The following PAPLN variants were observed in gnomAD, a reference collection of about 807,000 sequenced individuals.
The protein encoded by PAPLN is papilin, proteoglycan like sulfated glycoprotein.
PAPLN carries 146 observed loss-of-function variants against 159.0 expected under a neutral mutation model. That is an observed-to-expected ratio of 0.92 (90% CI 0.80 to 1.05). PAPLN has a LOEUF of 1.05. PAPLN is among the 50% of genes least tolerant of loss of function. The pLI, the probability that PAPLN is intolerant of heterozygous loss-of-function variation, is 0.00. For synonymous variants in PAPLN, 734 were observed against 702.9 expected, an observed-to-expected ratio of 1.04 and a Z score of -0.70; for missense variants, 1,720 against 1,743.9, an observed-to-expected ratio of 0.99 and a Z score of 0.24.
Position 73,254,581 on chromosome 14 carries a change from G to A in PAPLN, c.1371G>A (p.Leu457=), listed in dbSNP as rs1885672604. 1 of 1,613,948 alleles carries A rather than the reference G, an allele frequency of 6.2e-7. No homozygotes were observed. The highest frequency in any genetic ancestry group is 1.3e-5 in the African/African-American group (1 of 74,916). Reference sequence around the variant, plus strand: ...CTTGCCGGGGTGAAAGGGGTTCTTTGCTCCATACCGCAGCGTGCTCCTTGG... The same window carrying A: ...CTTGCCGGGGTGAAAGGGGTTCTTTACTCCATACCGCAGCGTGCTCCTTGG... ...SVTCRGERGS[L]LHTAACSLED... Residue 457 remains leucine (L), a synonymous_variant, in exon 13 of 27, where the codon TTG becomes TTA. Coordinates refer to ENST00000644200, the MANE Select transcript of PAPLN (RefSeq NM_001365906.3).
chr14:73,264,563 C>T, intron 21 of PAPLN, 25 bp from the exon 22 acceptor site: 2 of 1,586,778 alleles, frequency 1.3e-6, no homozygotes, highest in Non-Finnish European at 8.5e-7. Flanking sequence ...CAGCTCACAC[C>T]TTGTTTCTCC....
In PAPLN at chr14:73,266,734, A is replaced by G. The variant is rs779408143; in HGVS notation, c.3403A>G (p.Ile1135Val). 1.2e-6 allele frequency: 2 copies of G among 1,613,922 alleles called. No individual in the cohort carries two copies. The highest frequency in any genetic ancestry group is 8.5e-7 in the Non-Finnish European group (1 of 1,179,980). Residue 1135 changes from isoleucine (I) to valine (V), a missense_variant, in exon 25 of 27, where the codon ATC becomes GTC. Coordinates refer to ENST00000644200, the MANE Select transcript of PAPLN (RefSeq NM_001365906.3). ...VQLRVLGELT[I>V]SGLPPTVTVP... ...GTCCTTGTGCCCAGGGGAGCTGACA[A>G]TCTCAGGACTGCCCCCTACTGTGAC... is the stretch of plus-strand genomic sequence containing the variant.
At position 73,265,256 on chromosome 14, in the gene PAPLN, G is replaced by A; in HGVS notation, c.3126-114G>A. On this transcript the variant is annotated intron_variant, in intron 22 of 26. Coordinates refer to ENST00000644200, the MANE Select transcript of PAPLN (RefSeq NM_001365906.3). The surrounding 1 kb of genome is among the most constrained non-coding windows in gnomAD (Gnocchi z 4.1). ...AGAACAAGGCAGGGGATTTTAGGAA[G>A]CTGAATCTGGCTGGAGAGGGAGAAG... 1 of 1,479,596 alleles carries A rather than the reference G, an allele frequency of 6.8e-7. No individual in the cohort carries two copies. The highest frequency in any genetic ancestry group is 9.0e-7 in the Non-Finnish European group (1 of 1,111,716). The allele number at this position is 1,479,596 out of a possible 1,614,324, so 91.7% of individuals were successfully genotyped here.
intron 5 of PAPLN, among the ~76,000 whole-genome samples, chr14:73,247,922 GTGTGTGTGTGT>G: frequency 7.5e-6 from 1 of 133,628 alleles, no homozygotes; most frequent in Admixed American, 7.4e-5. Context: ...GTGTGTGTGT[GTGTGTGTGTGT>G]GTTGTGGGGA....
Position 73,252,121 on chromosome 14 carries a change from G to T in PAPLN, c.947G>T (p.Cys316Phe), listed in dbSNP as rs1329316144. 1 of 1,607,756 alleles carries T rather than the reference G, an allele frequency of 6.2e-7. No individual in the cohort carries two copies. Among genetic ancestry groups the T allele is most frequent in the Non-Finnish European group, 8.5e-7 (1 of 1,177,300 alleles). Residue 316 changes from cysteine (C) to phenylalanine (F), a missense_variant, in exon 10 of 27, where the codon TGC becomes TTC. Cys to Phe is a radical substitution (Grantham distance 205). Coordinates refer to ENST00000644200, the MANE Select transcript of PAPLN (RefSeq NM_001365906.3). ...FSWSHGSWSDCSAECGGGHQS... is the reference protein window; with the variant it reads ...FSWSHGSWSDFSAECGGGHQS... ...TGGAGCCACGGCTCATGGAGTGACTGCAGCGCGGAGTGTGGCGGAGGTGCG... is the reference window on the plus strand; with the variant it reads ...TGGAGCCACGGCTCATGGAGTGACTTCAGCGCGGAGTGTGGCGGAGGTGCG...
At position 73,245,647 on chromosome 14, in the gene PAPLN, G is replaced by C; in HGVS notation, c.182G>C (p.Gly61Ala). ...RPCYSQRRDG[G>A]SSCVGPARSH... ...CTCTGGTCCCGCAGGAGAGATGGAG[G>C]CTCCAGCTGCGTGGGCCCCGCCCGG... is the stretch of plus-strand genomic sequence containing the variant. The change falls in exon 4 of 27, where the codon GGC becomes GCC. Residue 61 changes from glycine to alanine, a missense_variant. By Grantham distance (60) the Gly-to-Ala change is moderately conservative (BLOSUM62 0). Transcript: ENST00000644200. The surrounding 1 kb of genome is among the most constrained non-coding windows in gnomAD (Gnocchi z 4.2). The C allele has an allele frequency of 6.4e-7, 1 of 1,559,874 alleles. No homozygotes were observed. Among genetic ancestry groups the C allele is most frequent in the East Asian group, 2.4e-5 (1 of 42,070 alleles).
At chr14:73,242,129 A>G (rs1382057595) in intron 2 of PAPLN, among the ~76,000 whole-genome samples, 1 of 152,190 alleles carries the variant, frequency 6.6e-6, no homozygotes, top group Non-Finnish European at 1.5e-5. Flanking sequence ...CCTTCCTTGG[A>G]GAGACAGTGT....
intron 11 of PAPLN, chr14:73,253,245 G>C: frequency 2.2e-6 from 3 of 1,357,712 alleles, no homozygotes; most frequent in South Asian, 2.3e-5. Flanking sequence ...CAGGTCACAG[G>C]CTCCCCGCAG....
Position 73,251,998 on chromosome 14 carries a change from C to A in PAPLN, c.844-20C>A. ...AGTGCTCCCCAGCAGCAGACCCCAACAAGGACTCTCCCGTGACAGCTCATC... is the reference window on the plus strand; with the variant it reads ...AGTGCTCCCCAGCAGCAGACCCCAAAAAGGACTCTCCCGTGACAGCTCATC... On this transcript the variant is annotated intron_variant, in intron 9 of 26. Transcript: ENST00000644200. The A allele has an allele frequency of 6.3e-7, 1 of 1,595,066 alleles. No individual in the cohort carries two copies.
rs1566673792 is a variant in PAPLN at position 73,246,088 on chromosome 14, G to T, written c.247G>T (p.Ala83Ser). The change falls in exon 5 of 27, where the codon GCC becomes TCC. Residue 83 changes from alanine to serine, a missense_variant. By Grantham distance (99) the Ala-to-Ser change is moderately conservative. Transcript: ENST00000644200. ...SCRTESCPDG[A>S]RDFRAEQCAE... ...CGCCCCGCAGAGCTGCCCCGACGGC[G>T]CCCGGGACTTCCGGGCCGAGCAGTG... 6.4e-7 allele frequency: 1 copy of T among 1,567,646 alleles called. No homozygotes were observed.
chr14:73,254,838 G>A (rs750494881), intron 13 of PAPLN, 39 bp from the exon 14 acceptor site: 45 of 1,605,408 alleles, frequency 2.8e-5, no homozygotes, highest in Admixed American at 1.3e-4. Context: ...CCCCAGCCTC[G>A]CCCTCAGCAT....
At position 73,262,335 on chromosome 14, in the gene PAPLN, A is replaced by ACC. The variant is rs747112939; in HGVS notation, c.2246-13_2246-12dup. ...TGGGCACCTCAGTGACTTATATCAC[A>ACC]CCCATGCCCTGCAGCCTACCCCGTG... On this transcript the variant is annotated splice_polypyrimidine_tract_variant and intron_variant, in intron 18 of 26. Coordinates refer to ENST00000644200, the MANE Select transcript of PAPLN (RefSeq NM_001365906.3). 15 of 1,596,006 alleles carry ACC rather than the reference A, an allele frequency of 9.4e-6. No homozygotes were observed. Among genetic ancestry groups the ACC allele is most frequent in the Non-Finnish European group, 1.3e-5 (15 of 1,168,850 alleles).
At chr14:73,256,039 T>C (rs1488617035) in intron 14 of PAPLN, among the ~76,000 whole-genome samples, 3 of 152,110 alleles carry the variant, frequency 2.0e-5, no homozygotes, top group African/African-American at 7.2e-5. Flanking sequence ...TGGTGAGGCC[T>C]TGTGGGGGAG....
At position 73,262,365 on chromosome 14, in the gene PAPLN, G is replaced by A. The variant is rs761451931; in HGVS notation, c.2261G>A (p.Cys754Tyr). 6.2e-6 allele frequency: 10 copies of A among 1,612,400 alleles called. No individual in the cohort carries two copies. In the East Asian group the frequency reaches 6.7e-5, roughly 11 times the overall value. The change falls in exon 19 of 27, where the codon TGC (cysteine) becomes TAC (tyrosine). Residue 754 changes from cysteine (C) to tyrosine (Y), a missense_variant. Cys to Tyr is a radical substitution (Grantham distance 194). Transcript: ENST00000644200. ...TGCCCTGCAGCCTACCCCGTGCGGT[G>A]CCTGCTGCCCAGTGCCCATGGCTCT... Reference protein sequence around the residue: ...GQPSHAYPVRCLLPSAHGSCA... With the variant: ...GQPSHAYPVRYLLPSAHGSCA...
At chr14:73,257,644 A>G (rs1886064167) in intron 14 of PAPLN, among the ~76,000 whole-genome samples, 1 of 152,092 alleles carries the variant, frequency 6.6e-6, no homozygotes, top group African/African-American at 2.4e-5. Flanking sequence ...AACTTTAAAC[A>G]TGCCAAAAAG....
At chr14:73,262,246 T>G in intron 18 of PAPLN, 104 bp from the exon 19 acceptor site, 1 of 1,153,482 alleles carries the variant, frequency 8.7e-7, no homozygotes, top group Non-Finnish European at 1.2e-6. Context: ...ACATGCTTTA[T>G]AAGTGGGGAA....
intron 18 of PAPLN, 143 bp from the exon 19 acceptor site, chr14:73,262,207 C>A: frequency 1.2e-6 from 1 of 843,376 alleles, no homozygotes; most frequent in Non-Finnish European, 1.9e-6. Flanking sequence ...GATCCCAGGG[C>A]CAGGTCAGGC....
At chr14:73,258,858 G>T in intron 14 of PAPLN, 121 bp from the exon 15 acceptor site, 1 of 886,456 alleles carries the variant, frequency 1.1e-6, no homozygotes, top group Non-Finnish European at 1.6e-6. Flanking sequence ...GGCTGTCTCG[G>T]GTTCCCAGGC....
In PAPLN at chr14:73,245,341, TTA is replaced by T. The variant is rs1233946247; in HGVS notation, c.171-291_171-290del. 6 of 442,092 alleles carry T rather than the reference TTA, an allele frequency of 1.4e-5. No homozygotes were observed. The highest frequency in any genetic ancestry group is 2.1e-5 in the Non-Finnish European group (5 of 241,584). The allele number at this position is 442,092 out of a possible 1,614,324, so 27.4% of individuals were successfully genotyped here. On this transcript the variant is annotated intron_variant, in intron 3 of 26. Transcript: ENST00000644200. This position sits in a 1 kb window ranked among gnomAD's most constrained non-coding sequence, Gnocchi z 4.2. The stretch of plus-strand genomic sequence containing the variant: ...GATGGCTGTGCCAAGCGGGTGGGTA[TTA>T]TATCTCATGCACCTCGGGTCTTCTC...
Sources: allele counts gnomAD v4.1 joint callset (sites outside exome capture counted in the v4.1 genomes callset), GRCh38; gene constraint gnomAD v4.1.1; non-coding constraint Gnocchi (gnomAD v3.1); transcripts MANE v1.5; gene names NCBI Gene and HGNC (gene_info 2026-07-23, HGNC 2026-07-21).